HPSE2: variants seen among roughly 807,000 people sequenced by gnomAD.
HPSE2 encodes the protein inactive heparanase-2.
In HPSE2, 38 loss-of-function variants were observed where a neutral mutation model predicts 60.5. The ratio of observed to expected loss-of-function variants is 0.63; its 90% CI spans 0.48 to 0.82. The LOEUF (loss-of-function observed/expected upper bound fraction) is 0.82. Among genes scored for constraint, HPSE2 ranks in the 40% least tolerant of loss-of-function variants. The probability of loss-of-function intolerance (pLI) is 0.00; values close to 1 mark genes in which losing one functional copy is unlikely to be tolerated. For missense variants in HPSE2, 713 were observed against 740.4 expected (o/e 0.96, Z 0.43); for synonymous variants, 295 against 293.2 (o/e 1.01, Z -0.06).
At chr10:99,239,954 C>T (rs570264750), upstream of HPSE2, among the ~76,000 whole-genome samples, 30 of 151,994 alleles carry the variant, frequency 2.0e-4, no homozygotes, top group African/African-American at 6.3e-4. Context: ...TTTGAGAGGT[C>T]GAGGTGGGTG....
intron 2 of HPSE2, among the ~76,000 whole-genome samples, chr10:99,201,978 T>C (rs1848590565): frequency 6.6e-6 from 1 of 152,106 alleles, no homozygotes; most frequent in African/African-American, 2.4e-5. Flanking sequence ...TTCCATACTC[T>C]AACCACAGCC....
rs562601156 is a variant in HPSE2, at chr10:98,997,752, C to G, written c.610+146486G>C. ...CATGCGCACTAAAGTGCAGCCACATCTGGCCTGCAACATGGCAGCTGTTTA... is the reference window on the plus strand; with the variant it reads ...CATGCGCACTAAAGTGCAGCCACATGTGGCCTGCAACATGGCAGCTGTTTA... On this transcript the variant is annotated intron_variant, in intron 3 of 11. Transcript: ENST00000370552. Among the ~76,000 whole-genome samples the G allele has an allele frequency of 2.6e-5, 4 of 152,336 alleles. No individual in the cohort carries two copies. In the South Asian group the frequency reaches 8.3e-4, roughly 32 times the overall value.
chr10:98,588,755 G>A (rs1175960151), intron 9 of HPSE2, among the ~76,000 whole-genome samples: 1 of 151,866 alleles, frequency 6.6e-6, no homozygotes, highest in Non-Finnish European at 1.5e-5. Context: ...AATCAGGGAT[G>A]GGGATGACTG....
At chr10:98,608,755 A>T (rs1392726980) in intron 9 of HPSE2, among the ~76,000 whole-genome samples, 1 of 152,114 alleles carries the variant, frequency 6.6e-6, no homozygotes, top group African/African-American at 2.4e-5. Flanking sequence ...ATTGGGTTTC[A>T]CATCACAGCT....
the HPSE2 span, among the ~76,000 whole-genome samples, chr10:99,280,664 A>G: frequency 6.6e-6 from 1 of 152,194 alleles, no homozygotes; most frequent in Non-Finnish European, 1.5e-5. Flanking sequence ...TACTTTGCAT[A>G]TGTAACACAG....
intron 9 of HPSE2, among the ~76,000 whole-genome samples, chr10:98,514,968 C>T (rs567226175): frequency 9.9e-4 from 150 of 152,126 alleles, no homozygotes; most frequent in African/African-American, 3.5e-3. Flanking sequence ...AGGCAATCCG[C>T]CCGCCTCGGC....
In HPSE2 at chr10:98,817,650, T is replaced by A. The variant is rs144905064; in HGVS notation, c.611-73594A>T. ...TCCTATTTCTGCTCTCCAACCTCTATGTCCTACACTTGCTGACTTCCCTTC... is the reference window on the plus strand; with the variant it reads ...TCCTATTTCTGCTCTCCAACCTCTAAGTCCTACACTTGCTGACTTCCCTTC... On this transcript the variant is annotated intron_variant, in intron 3 of 11. Coordinates refer to ENST00000370552, the MANE Select transcript of HPSE2 (RefSeq NM_021828.5). 4.2e-4 allele frequency among the ~76,000 whole-genome samples: 64 copies of A among 152,288 alleles called. No individual in the cohort carries two copies. The East Asian group carries it at 0.012, about 28-fold the overall frequency.
At chr10:98,657,376 G>A (rs1474481889) in intron 6 of HPSE2, among the ~76,000 whole-genome samples, 1 of 151,932 alleles carries the variant, frequency 6.6e-6, no homozygotes, top group Admixed American at 6.6e-5. Flanking sequence ...CTGTTACCCA[G>A]GCTGGAGTGC....
chr10:99,232,559 G>T, intron 1 of HPSE2, 54 bp from the exon 2 acceptor site: 1 of 1,537,232 alleles, frequency 6.5e-7, no homozygotes, highest in East Asian at 2.5e-5. Context: ...ACGAGAGCGC[G>T]TGGGGCACGG....
intron 6 of HPSE2, among the ~76,000 whole-genome samples, chr10:98,661,174 T>C (rs1410035452): frequency 6.6e-6 from 1 of 152,176 alleles, no homozygotes; most frequent in Non-Finnish European, 1.5e-5. Context: ...ATGAAGGTAA[T>C]GGGAAATAAT....
At position 99,235,602 on chromosome 10, in the gene HPSE2, G is replaced by A; in HGVS notation, c.201C>T (p.Thr67=). ...CATTGACTGTCCTGACTGGGTTCTT[G>A]GTGCTCACATCAAGTAGAATCAGGG... ...EKTLILLDVS[T]KNPVRTVNEN... Residue 67 remains threonine, a synonymous_variant, in exon 1 of 12, where the codon ACC becomes ACT. Transcript: ENST00000370552. 2 of 1,614,032 alleles carry A rather than the reference G, an allele frequency of 1.2e-6. No individual in the cohort carries two copies. The highest frequency in any genetic ancestry group is 1.7e-6 in the Non-Finnish European group (2 of 1,179,994).
intron 4 of HPSE2, among the ~76,000 whole-genome samples, chr10:98,726,632 TAATAATA>T (rs1949089694): frequency 1.8e-5 from 1 of 55,714 alleles, no homozygotes. Flanking sequence ...ACTTAAAGTA[TAATAATA>T]ATAATAATAA....
intron 3 of HPSE2, among the ~76,000 whole-genome samples, chr10:98,949,890 AC>A (rs1466124301): frequency 6.6e-6 from 1 of 152,184 alleles, no homozygotes; most frequent in Non-Finnish European, 1.5e-5. Context: ...GGAAAACAGA[AC>A]AGGAAGGCAG....
At chr10:99,115,900 G>A (rs930489534) in intron 3 of HPSE2, among the ~76,000 whole-genome samples, 1 of 152,140 alleles carries the variant, frequency 6.6e-6, no homozygotes, top group African/African-American at 2.4e-5. Context: ...GACCACATTT[G>A]TGCATGGCCA....
At chr10:98,700,555 A>T (rs1948378029) in intron 5 of HPSE2, among the ~76,000 whole-genome samples, 1 of 135,960 alleles carries the variant, frequency 7.4e-6, no homozygotes, top group Non-Finnish European at 1.6e-5. Flanking sequence ...AAGAAAACCT[A>T]GGCATTACTA....
intron 3 of HPSE2, among the ~76,000 whole-genome samples, chr10:99,004,139 G>A (rs570740144): frequency 2.8e-4 from 43 of 151,810 alleles, no homozygotes; most frequent in Non-Finnish European, 5.2e-4. Flanking sequence ...TGCCCTTAAA[G>A]GTGAAATAAG....
intron 4 of HPSE2, among the ~76,000 whole-genome samples, chr10:98,738,926 G>A (rs1949425353): frequency 6.6e-6 from 1 of 152,130 alleles, no homozygotes; most frequent in Non-Finnish European, 1.5e-5. Flanking sequence ...ATTCCTCAAG[G>A]ATCTAGAATT....
chr10:98,945,556 C>T (rs1955155896), intron 3 of HPSE2, among the ~76,000 whole-genome samples: 1 of 152,004 alleles, frequency 6.6e-6, no homozygotes, highest in Non-Finnish European at 1.5e-5. Context: ...ATTTTAATTG[C>T]TACCTAGAAA....
At chr10:99,111,276 G>C (rs1844446483) in intron 3 of HPSE2, among the ~76,000 whole-genome samples, 1 of 152,098 alleles carries the variant, frequency 6.6e-6, no homozygotes, top group Non-Finnish European at 1.5e-5. Flanking sequence ...TTCCTCTTTA[G>C]TATTGTGTTG....
Sources: gnomAD v4.1 joint callset for allele counts (sites outside exome capture counted in the v4.1 genomes callset) on GRCh38, gnomAD v4.1.1 for gene constraint, MANE v1.5 for transcripts, NCBI Gene and HGNC (gene_info 2026-07-23, HGNC 2026-07-21) for gene names.